The following MAP2K5 variants were observed in gnomAD, a reference collection of about 807,000 sequenced individuals.
MAP2K5 encodes mitogen-activated protein kinase kinase 5.
Under a neutral mutation model 83.1 loss-of-function variants are expected in MAP2K5, and 49 were observed. The ratio of observed to expected loss-of-function variants is 0.59; its 90% CI spans 0.47 to 0.75. The LOEUF (loss-of-function observed/expected upper bound fraction) is 0.75. Among genes scored for constraint, MAP2K5 ranks in the 30% least tolerant of loss-of-function variants. MAP2K5 has a pLI of 0.00. For synonymous variants in MAP2K5, 202 were observed against 191.8 expected (o/e 1.05, Z -0.44); for missense variants, 457 against 557.5 (o/e 0.82, Z 1.82).
At chr15:67,648,357 T>C (rs2086875443) in intron 11 of MAP2K5, among the ~76,000 whole-genome samples, 1 of 152,222 alleles carries the variant, frequency 6.6e-6, no homozygotes, top group African/African-American at 2.4e-5. Context: ...CTTCCTTTAC[T>C]TAGTATAATG....
intron 21 of MAP2K5, 72 bp from the exon 22 acceptor site, chr15:67,806,574 C>A: frequency 7.6e-7 from 1 of 1,321,848 alleles, no homozygotes; most frequent in South Asian, 1.4e-5. Flanking sequence ...AGGCTGAGGG[C>A]AGGCCCTGGA....
intron 9 of MAP2K5, among the ~76,000 whole-genome samples, chr15:67,643,705 T>C (rs890497909): frequency 6.6e-6 from 1 of 152,016 alleles, no homozygotes; most frequent in African/African-American, 2.4e-5. Flanking sequence ...CTCAGCCTCC[T>C]CCCAAAGTGC....
At chr15:67,607,762 T>C (rs1473050739) in intron 8 of MAP2K5, among the ~76,000 whole-genome samples, 1 of 152,234 alleles carries the variant, frequency 6.6e-6, no homozygotes, top group Non-Finnish European at 1.5e-5. Flanking sequence ...TTATAGCCTT[T>C]ATTGTTTTAT....
At chr15:67,615,858 A>G (rs1327677134) in intron 8 of MAP2K5, among the ~76,000 whole-genome samples, 1 of 152,130 alleles carries the variant, frequency 6.6e-6, no homozygotes, top group East Asian at 1.9e-4. Context: ...TTGTGTACTC[A>G]TGAGCTTTAT....
intron 21 of MAP2K5, among the ~76,000 whole-genome samples, chr15:67,798,530 G>A (rs939988250): frequency 2.0e-5 from 3 of 152,156 alleles, no homozygotes; most frequent in African/African-American, 7.2e-5. Flanking sequence ...ACAGGCCCTA[G>A]AATGACTCAC....
chr15:67,790,781 T>C lies in MAP2K5; in HGVS notation c.1243-15865T>C, dbSNP rs1359799957. On this transcript the variant is annotated intron_variant, in intron 21 of 21. Transcript: ENST00000178640. This position sits in a 1 kb window ranked among gnomAD's most constrained non-coding sequence, Gnocchi z 4.6. ...TGTCTGCCACACTTAGTGCTGAACA[T>C]GTGTTAGGTGTTATAAAAGTTTCCT... Among the ~76,000 whole-genome samples, 1 of 151,632 alleles carries C rather than the reference T, an allele frequency of 6.6e-6. No individual in the cohort carries two copies. The highest frequency in any genetic ancestry group is 1.5e-5 in the Non-Finnish European group (1 of 67,944).
chr15:67,797,455 A>G (rs548645478), intron 21 of MAP2K5, among the ~76,000 whole-genome samples: 1 of 152,228 alleles, frequency 6.6e-6, no homozygotes, highest in South Asian at 2.1e-4. Context: ...TTGGATTTAG[A>G]AGCTTAAGTG....
chr15:67,661,166 A>G (rs1335169455), intron 12 of MAP2K5, among the ~76,000 whole-genome samples: 2 of 151,752 alleles, frequency 1.3e-5, no homozygotes, highest in Admixed American at 6.6e-5. Flanking sequence ...TTTTTCCCCC[A>G]AAGGAATTTA....
At position 67,747,516 on chromosome 15, in the gene MAP2K5, G is replaced by C. The variant is rs1184687581; in HGVS notation, c.1075-715G>C. Among the ~76,000 whole-genome samples the C allele has an allele frequency of 3.9e-5, 6 of 152,154 alleles. No individual in the cohort carries two copies. Among genetic ancestry groups the C allele is most frequent in the Middle Eastern group, 3.2e-3 (1 of 316 alleles). ...TTTTATGTCACGTTTTAGTAGCTTT[G>C]TAAGAAATGCAGTTTATCAGTGTTA... On this transcript the variant is annotated intron_variant, in intron 17 of 21. Coordinates refer to ENST00000178640, the MANE Select transcript of MAP2K5 (RefSeq NM_145160.3). The surrounding 1 kb of genome is among the most constrained non-coding windows in gnomAD (Gnocchi z 4.1).
chr15:67,715,218 T>C (rs2088801004), intron 16 of MAP2K5, among the ~76,000 whole-genome samples: 1 of 147,404 alleles, frequency 6.8e-6, no homozygotes, highest in Non-Finnish European at 1.5e-5. Flanking sequence ...TTTTCCACTG[T>C]CTTTTTTTTG....
At chr15:67,703,822 C>T (rs550144673) in intron 16 of MAP2K5, among the ~76,000 whole-genome samples, 10 of 152,122 alleles carry the variant, frequency 6.6e-5, no homozygotes, top group African/African-American at 2.4e-4. Flanking sequence ...ATGTAACTTC[C>T]AACGGTGATT....
At chr15:67,788,495 A>G (rs1205903310) in intron 21 of MAP2K5, among the ~76,000 whole-genome samples, 1 of 152,228 alleles carries the variant, frequency 6.6e-6, no homozygotes, top group East Asian at 1.9e-4. Context: ...TCACCCCTGG[A>G]AACTTTAGTA....
intron 4 of MAP2K5, 179 bp from the exon 5 acceptor site, chr15:67,585,711 T>C (rs1481372752): frequency 1.8e-6 from 1 of 556,250 alleles, no homozygotes. Context: ...TTATAAATGC[T>C]CACTCCTGCA....
At chr15:67,653,928 C>T (rs6494679) in intron 11 of MAP2K5, among the ~76,000 whole-genome samples, 152,279 of 152,298 alleles carry the variant, frequency 1, 76,130 homozygotes, top group Non-Finnish European at 1. Context: ...AAATCTCTTG[C>T]GATTTCTTTT....
At chr15:67,694,061 G>T (rs943874246) in intron 15 of MAP2K5, among the ~76,000 whole-genome samples, 4 of 151,800 alleles carry the variant, frequency 2.6e-5, no homozygotes, top group Non-Finnish European at 4.4e-5. Context: ...TCTATATTTT[G>T]TTTAGTTGTT....
chr15:67,555,651 G>A lies in MAP2K5; in HGVS notation c.184+5569G>A, dbSNP rs1362327383. On this transcript the variant is annotated intron_variant, in intron 2 of 21. Coordinates refer to ENST00000178640, the MANE Select transcript of MAP2K5 (RefSeq NM_145160.3). This position sits in a 1 kb window ranked among gnomAD's most constrained non-coding sequence, Gnocchi z 5.2. ...ATTTCCCTCCAACCCCATCAACTCT[G>A]GATATTAGCAAACCTTTTAGTCAAT... Among the ~76,000 whole-genome samples the A allele has an allele frequency of 6.6e-6, 1 of 152,020 alleles. No homozygotes were observed. Among genetic ancestry groups the A allele is most frequent in the Non-Finnish European group, 1.5e-5 (1 of 67,998 alleles).
intron 16 of MAP2K5, among the ~76,000 whole-genome samples, chr15:67,705,429 A>G (rs1487473270): frequency 6.6e-6 from 1 of 152,094 alleles, no homozygotes; most frequent in Non-Finnish European, 1.5e-5. Context: ...GATAAGTCCC[A>G]TGGAGGAAAA....
At chr15:67,633,655 TACA>T (rs2086526266) in intron 9 of MAP2K5, among the ~76,000 whole-genome samples, 1 of 152,236 alleles carries the variant, frequency 6.6e-6, no homozygotes, top group Admixed American at 6.5e-5. Flanking sequence ...AACTGGGCTT[TACA>T]ACAAGAACTG....
rs28386928 is a variant in MAP2K5, at chr15:67,609,500, T to A, written c.545+8751T>A. Among the ~76,000 whole-genome samples, 66 of 59,142 alleles carry A rather than the reference T, an allele frequency of 1.1e-3. 8 individuals are homozygous for A. Among genetic ancestry groups the A allele is most frequent in the African/African-American group, 4.4e-3 (58 of 13,226 alleles). 38.8% of individuals were successfully genotyped at this position (59,142 alleles called of 152,430 possible). ...TAGACCTATTCTATAGGTCTATAGA[T>A]TCTGTAGACCTATTCTATAGGTCTG... On this transcript the variant is annotated intron_variant, in intron 8 of 21. Coordinates refer to ENST00000178640, the MANE Select transcript of MAP2K5 (RefSeq NM_145160.3).
Sources: gnomAD v4.1 joint callset for allele counts (sites outside exome capture counted in the v4.1 genomes callset) on GRCh38, gnomAD v4.1.1 for gene constraint, Gnocchi (gnomAD v3.1) non-coding constraint, MANE v1.5 for transcripts, NCBI Gene and HGNC (gene_info 2026-07-23, HGNC 2026-07-21) for gene names.